EXOC4: variants seen among roughly 807,000 people sequenced by gnomAD.
EXOC4 encodes SEC8-like 1.
EXOC4 carries 71 observed loss-of-function variants against 107.2 expected under a neutral mutation model. The ratio of observed to expected loss-of-function variants is 0.66; its 90% CI spans 0.55 to 0.81. The LOEUF (loss-of-function observed/expected upper bound fraction) is 0.81, where lower values mean the gene tolerates loss of function less well. Ranked by LOEUF, EXOC4 falls within the 30% of genes least tolerant of loss-of-function variation. The pLI is 0.00. For missense variants in EXOC4, 1,108 were observed against 1,189.6 expected (o/e 0.93, Z 1.01); for synonymous variants, 456 against 441.2 (o/e 1.03, Z -0.42).
At chr7:134,054,912 G>C (rs1242568647) in intron 17 of EXOC4, among the ~76,000 whole-genome samples, 1 of 152,090 alleles carries the variant, frequency 6.6e-6, no homozygotes, top group East Asian at 1.9e-4. Flanking sequence ...TTTCTAGTTA[G>C]TCTATTATTT....
chr7:133,531,457 C>T (rs188530194), intron 9 of EXOC4, among the ~76,000 whole-genome samples: 45 of 152,126 alleles, frequency 3.0e-4, no homozygotes, highest in African/African-American at 1.1e-3. Context: ...AATTTATATC[C>T]AATTTTAAAA....
intron 11 of EXOC4, among the ~76,000 whole-genome samples, chr7:133,833,854 C>T (rs558497455): frequency 9.2e-5 from 14 of 152,288 alleles, no homozygotes; most frequent in Admixed American, 2.6e-4. Flanking sequence ...TGCAAGTCAC[C>T]GTACCTGGCC....
intron 9 of EXOC4, among the ~76,000 whole-genome samples, chr7:133,615,347 A>G (rs1435132219): frequency 6.6e-6 from 1 of 152,148 alleles, no homozygotes; most frequent in Non-Finnish European, 1.5e-5. Context: ...TTTAGTGAAT[A>G]GTAAAATTGT....
At chr7:133,279,281 C>T (rs534898818) in intron 2 of EXOC4, among the ~76,000 whole-genome samples, 74 of 152,244 alleles carry the variant, frequency 4.9e-4, no homozygotes, top group Middle Eastern at 3.4e-3. Context: ...AATAAACATA[C>T]GTGTGCATGT....
At chr7:133,850,481 T>C (rs1798218235) in intron 11 of EXOC4, among the ~76,000 whole-genome samples, 1 of 152,108 alleles carries the variant, frequency 6.6e-6, no homozygotes, top group Admixed American at 6.5e-5. Flanking sequence ...AAACAGGATA[T>C]AGTATATAGT....
At chr7:134,045,009 T>C (rs868207749) in intron 17 of EXOC4, among the ~76,000 whole-genome samples, 1 of 148,734 alleles carries the variant, frequency 6.7e-6, no homozygotes, top group African/African-American at 2.6e-5. Context: ...ACTGGTGTTA[T>C]TGTTAACTAG....
intron 7 of EXOC4, among the ~76,000 whole-genome samples, chr7:133,436,828 T>C (rs556892457): frequency 9.7e-4 from 147 of 152,308 alleles, no homozygotes; most frequent in Non-Finnish European, 1.5e-3. Context: ...ATTTCTTCTG[T>C]TTTGCTTGTG....
At chr7:133,609,831 G>T (rs368937294) in intron 9 of EXOC4, among the ~76,000 whole-genome samples, 1 of 152,182 alleles carries the variant, frequency 6.6e-6, no homozygotes, top group Non-Finnish European at 1.5e-5. Context: ...AATTGGCCAC[G>T]ATGGGTGTAG....
rs370931403 is a variant in EXOC4, at chr7:133,527,330, GGACGTGGAGGTTGCAGT to G, written c.1417+47195_1417+47211del. On this transcript the variant is annotated intron_variant, in intron 9 of 17. Coordinates refer to ENST00000253861, the MANE Select transcript of EXOC4 (RefSeq NM_021807.4). ...GAGGCAGGAGAATCGCATGAACCTGGGACGTGGAGGTTGCAGTGAGCTGAGATTGCGCCCCTGCACTC... is the reference window on the plus strand; with the variant it reads ...GAGGCAGGAGAATCGCATGAACCTGGGAGCTGAGATTGCGCCCCTGCACTC... 3.2e-4 allele frequency among the ~76,000 whole-genome samples: 49 copies of G among 152,168 alleles called. No homozygotes were observed. The East Asian group carries it at 5.0e-3, about 16-fold the overall frequency.
rs1312154766 is a variant in EXOC4 at position 133,730,243 on chromosome 7, G to A, written c.1515-87082G>A. 7.3e-5 allele frequency among the ~76,000 whole-genome samples: 11 copies of A among 149,918 alleles called. No homozygotes were observed. The Admixed American group carries it at 7.4e-4, about 10-fold the overall frequency. On this transcript the variant is annotated intron_variant, in intron 10 of 17. Transcript: ENST00000253861. ...CTACATTGTACAAATGAGATGATTGGAAACAGGATAATAATTGATTGCAAC... is the reference window on the plus strand; with the variant it reads ...CTACATTGTACAAATGAGATGATTGAAAACAGGATAATAATTGATTGCAAC...
chr7:133,584,188 A>G (rs1801342133), intron 9 of EXOC4, among the ~76,000 whole-genome samples: 1 of 152,128 alleles, frequency 6.6e-6, no homozygotes, highest in Admixed American at 6.6e-5. Flanking sequence ...TGGGCCACAC[A>G]TGGCTTTGAG....
intron 9 of EXOC4, among the ~76,000 whole-genome samples, chr7:133,592,280 G>A (rs1177485635): frequency 2.0e-5 from 3 of 152,014 alleles, no homozygotes; most frequent in Non-Finnish European, 2.9e-5. Context: ...TGCCTAGGCT[G>A]GTCTTGAATT....
At chr7:133,933,782 A>T (rs1800234332) in intron 13 of EXOC4, among the ~76,000 whole-genome samples, 1 of 152,114 alleles carries the variant, frequency 6.6e-6, no homozygotes, top group Non-Finnish European at 1.5e-5. Flanking sequence ...ACAAGTAACT[A>T]ATACCCAATG....
chr7:133,510,181 A>G (rs1214465785), intron 9 of EXOC4, among the ~76,000 whole-genome samples: 1 of 152,100 alleles, frequency 6.6e-6, no homozygotes, highest in Middle Eastern at 3.2e-3. Context: ...CCTTCTCTAT[A>G]TATTTAACTT....
chr7:133,917,389 A>C (rs1165621301), intron 12 of EXOC4, among the ~76,000 whole-genome samples, 194 bp from the exon 13 acceptor site: 1 of 152,222 alleles, frequency 6.6e-6, no homozygotes, highest in Admixed American at 6.5e-5. Context: ...AGAAACTAAG[A>C]ATGAAATCTA....
intron 10 of EXOC4, among the ~76,000 whole-genome samples, chr7:133,717,128 T>C (rs527403382): frequency 1.3e-5 from 2 of 152,282 alleles, no homozygotes; most frequent in Admixed American, 6.5e-5. Context: ...ATTCCAAAGA[T>C]GAACTGTAAA....
At chr7:133,974,270 G>A (rs1442338634) in intron 14 of EXOC4, among the ~76,000 whole-genome samples, 1 of 152,158 alleles carries the variant, frequency 6.6e-6, no homozygotes, top group Non-Finnish European at 1.5e-5. Context: ...GTCACACTGT[G>A]GCTATATTAA....
chr7:133,712,488 A>G (rs1196440622), intron 10 of EXOC4, among the ~76,000 whole-genome samples: 1 of 144,442 alleles, frequency 6.9e-6, no homozygotes, highest in East Asian at 2.1e-4. Context: ...GCGCTCCTAC[A>G]CTGCTGGTAG....
At chr7:133,597,433 A>G (rs1188639634) in intron 9 of EXOC4, among the ~76,000 whole-genome samples, 1 of 151,824 alleles carries the variant, frequency 6.6e-6, no homozygotes, top group African/African-American at 2.4e-5. Context: ...ACATGCCTTT[A>G]ATCCCAGCTG....
Sources: gnomAD v4.1 joint callset for allele counts (sites outside exome capture counted in the v4.1 genomes callset) on GRCh38, gnomAD v4.1.1 for gene constraint, MANE v1.5 for transcripts, NCBI Gene and HGNC (gene_info 2026-07-23, HGNC 2026-07-21) for gene names.